Variants in FBXL20 observed in about 807,000 individuals in gnomAD.
FBXL20 encodes F-box and leucine rich repeat protein 20.
In FBXL20, 11 loss-of-function variants were observed where a neutral mutation model predicts 64.0. The observed-to-expected ratio is 0.17, with a 90% CI of 0.11 to 0.28. The LOEUF (loss-of-function observed/expected upper bound fraction) is 0.28. FBXL20 is among the 10% of genes least tolerant of loss of function. The probability of loss-of-function intolerance (pLI) is 1.00; values close to 1 mark genes in which losing one functional copy is unlikely to be tolerated. For synonymous variants in FBXL20, 184 were observed against 189.0 expected (o/e 0.97, Z 0.22); for missense variants, 303 against 526.2 (o/e 0.58, Z 4.15).
chr17:39,293,720 G>A (rs772126557), intron 6 of FBXL20, among the ~76,000 whole-genome samples: 6 of 151,930 alleles, frequency 3.9e-5, no homozygotes, highest in Non-Finnish European at 8.8e-5. Flanking sequence ...TAGTTTCCCA[G>A]TAATTGTTTT....
intron 9 of FBXL20, among the ~76,000 whole-genome samples, chr17:39,275,805 T>C (rs2046884852): frequency 6.6e-6 from 1 of 152,048 alleles, no homozygotes; most frequent in Non-Finnish European, 1.5e-5. Flanking sequence ...GATAAGTTAG[T>C]GAAAAAAATT....
intron 2 of FBXL20, among the ~76,000 whole-genome samples, chr17:39,339,302 C>A (rs1249676579): frequency 6.6e-6 from 1 of 151,980 alleles, no homozygotes; most frequent in East Asian, 1.9e-4. Context: ...TACCCCATCT[C>A]TATGAAAATT....
At chr17:39,376,995 A>G (rs1055265938) in intron 1 of FBXL20, among the ~76,000 whole-genome samples, 4 of 152,164 alleles carry the variant, frequency 2.6e-5, no homozygotes, top group African/African-American at 9.7e-5. Context: ...AACTGAGTTT[A>G]TAGTTTAAAA....
chr17:39,277,895 T>C (rs1166946295), intron 9 of FBXL20, among the ~76,000 whole-genome samples: 1 of 151,994 alleles, frequency 6.6e-6, no homozygotes, highest in Non-Finnish European at 1.5e-5. Flanking sequence ...ATGCTGAGAA[T>C]CATTTTATCA....
At chr17:39,333,535 T>C (rs1045252475) in intron 2 of FBXL20, among the ~76,000 whole-genome samples, 1 of 152,166 alleles carries the variant, frequency 6.6e-6, no homozygotes, top group African/African-American at 2.4e-5. Context: ...CTTCCCAAAG[T>C]GCCGAGATTG....
intron 2 of FBXL20, among the ~76,000 whole-genome samples, chr17:39,319,441 C>A (rs1247052837): frequency 6.6e-6 from 1 of 152,100 alleles, no homozygotes; most frequent in Non-Finnish European, 1.5e-5. Context: ...AATCCCAACA[C>A]TTTGGGAGGA....
intron 1 of FBXL20, among the ~76,000 whole-genome samples, chr17:39,394,278 C>T (rs113716663): frequency 2.9e-4 from 39 of 134,310 alleles, no homozygotes; most frequent in African/African-American, 9.6e-4. Flanking sequence ...ATTACTGAAA[C>T]TTTTTTTTTT....
intron 3 of FBXL20, among the ~76,000 whole-genome samples, chr17:39,302,048 T>C (rs969243522): frequency 1.1e-4 from 16 of 151,628 alleles, no homozygotes; most frequent in African/African-American, 3.9e-4. Context: ...AAAAGTTCAG[T>C]TTATGAAAAG....
chr17:39,402,176 C>A (rs2048254665), upstream of FBXL20: 2 of 1,232,644 alleles, frequency 1.6e-6, no homozygotes, highest in South Asian at 8.2e-5. Context: ...CACTCACTGT[C>A]GCCTTGAACC....
At chr17:39,357,437 G>A (rs2047753179) in intron 1 of FBXL20, among the ~76,000 whole-genome samples, 1 of 151,940 alleles carries the variant, frequency 6.6e-6, no homozygotes, top group East Asian at 1.9e-4. Context: ...GTCACTGTTA[G>A]GCATGCCTCT....
chr17:39,356,703 T>G (rs542455322), intron 1 of FBXL20, among the ~76,000 whole-genome samples: 1 of 152,028 alleles, frequency 6.6e-6, no homozygotes, highest in East Asian at 1.9e-4. Flanking sequence ...TCACCCAGGG[T>G]GGAGTGCAGT....
chr17:39,286,431 TCTCCAA>T (rs1332316186), intron 6 of FBXL20, among the ~76,000 whole-genome samples: 2 of 152,058 alleles, frequency 1.3e-5, no homozygotes, highest in African/African-American at 4.8e-5. Context: ...GCCAGGCTGG[TCTCCAA>T]CTCCGGGCCT....
chr17:39,393,435 T>G (rs2048154084), intron 1 of FBXL20, among the ~76,000 whole-genome samples: 1 of 152,162 alleles, frequency 6.6e-6, no homozygotes, highest in Admixed American at 6.6e-5. Flanking sequence ...TTGATTAAGT[T>G]TGGGCTGGGA....
chr17:39,332,778 T>C (rs764287837), intron 2 of FBXL20, among the ~76,000 whole-genome samples: 1 of 152,020 alleles, frequency 6.6e-6, no homozygotes, highest in African/African-American at 2.4e-5. Flanking sequence ...CCTGACCTCA[T>C]GATCTGCCCA....
chr17:39,315,741 G>A (rs1312241425), intron 2 of FBXL20, among the ~76,000 whole-genome samples: 4 of 151,950 alleles, frequency 2.6e-5, no homozygotes, highest in South Asian at 2.1e-4. Flanking sequence ...GACTTTGTCC[G>A]TGCAACAGGA....
chr17:39,312,568 CT>C (rs750605079), intron 2 of FBXL20, among the ~76,000 whole-genome samples: 968 of 91,720 alleles, frequency 0.011, 6 homozygotes, highest in African/African-American at 0.043. Context: ...TAAATTCTAT[CT>C]TTTTTTTTTT....
intron 1 of FBXL20, among the ~76,000 whole-genome samples, chr17:39,372,790 T>C (rs2047931244): frequency 6.6e-6 from 1 of 151,540 alleles, no homozygotes; most frequent in Non-Finnish European, 1.5e-5. Context: ...CACACCTGGC[T>C]AATTTTTTGT....
chr17:39,291,909 TTTAA>T (rs2047043041), intron 6 of FBXL20, among the ~76,000 whole-genome samples: 1 of 140,034 alleles, frequency 7.1e-6, no homozygotes, highest in Non-Finnish European at 1.5e-5. Context: ...AAGTATGTTA[TTTAA>T]TTTTCTAATC....
chr17:39,348,788 C>G (rs1047371761), intron 1 of FBXL20, among the ~76,000 whole-genome samples: 2 of 152,148 alleles, frequency 1.3e-5, no homozygotes, highest in Admixed American at 1.3e-4. Flanking sequence ...CAGCCTTGAC[C>G]TCCGGACTCA....
Sources: allele counts gnomAD v4.1 joint callset (sites outside exome capture counted in the v4.1 genomes callset), GRCh38; gene constraint gnomAD v4.1.1; transcripts MANE v1.5; gene names NCBI Gene and HGNC (gene_info 2026-07-23, HGNC 2026-07-21).